The following CECR2 variants were observed in gnomAD, a reference collection of about 807,000 sequenced individuals.
CECR2 encodes CECR2 histone acetyl-lysine reader.
In CECR2, 30 loss-of-function variants were observed where a neutral mutation model predicts 154.5. The observed-to-expected ratio is 0.19, with a 90% CI of 0.15 to 0.26. The LOEUF is 0.26. CECR2 is among the 10% of genes least tolerant of loss of function. The pLI, the probability that CECR2 is intolerant of heterozygous loss-of-function variation, is 1.00. For missense variants in CECR2, 1,743 were observed against 1,829.3 expected, an observed-to-expected ratio of 0.95 and a Z score of 0.86; for synonymous variants, 725 against 683.7, an observed-to-expected ratio of 1.06 and a Z score of -0.94.
intron 1 of CECR2, among the ~76,000 whole-genome samples, chr22:17,450,511 C>T (rs1307205240): frequency 6.6e-6 from 1 of 152,092 alleles, no homozygotes; most frequent in Non-Finnish European, 1.5e-5. Flanking sequence ...CCTCGTGATT[C>T]TCCTGCCTCG....
In CECR2 at chr22:17,487,022, C is replaced by T. The variant is rs141960163; in HGVS notation, c.221+9340C>T. On this transcript the variant is annotated intron_variant, in intron 2 of 18. Transcript: ENST00000262608. ...TCGCTGGAAGGTCACTAATCTAAGG[C>T]ATTGCTCACTTTCTGTTTTTCAGCT... Among the ~76,000 whole-genome samples the T allele has an allele frequency of 7.9e-5, 12 of 152,282 alleles. No homozygotes were observed. The East Asian group carries it at 1.7e-3, about 22-fold the overall frequency.
chr22:17,504,293 T>A (rs1031295435), intron 6 of CECR2, among the ~76,000 whole-genome samples: 1 of 151,806 alleles, frequency 6.6e-6, no homozygotes, highest in Non-Finnish European at 1.5e-5. Flanking sequence ...GAAGATGGCT[T>A]GAGCCCAGGA....
intron 1 of CECR2, among the ~76,000 whole-genome samples, chr22:17,431,020 A>C (rs2054414302): frequency 6.6e-6 from 1 of 152,104 alleles, no homozygotes; most frequent in South Asian, 2.1e-4. Context: ...AGTGCTCACA[A>C]CTTAAAGGGA....
intron 1 of CECR2, among the ~76,000 whole-genome samples, chr22:17,451,734 G>C (rs998633838): frequency 6.6e-6 from 1 of 152,138 alleles, no homozygotes; most frequent in Non-Finnish European, 1.5e-5. Context: ...TCCTTCACCA[G>C]TTACAACTCA....
chr22:17,474,932 C>T (rs2055184399), intron 1 of CECR2, among the ~76,000 whole-genome samples: 1 of 152,014 alleles, frequency 6.6e-6, no homozygotes, highest in Non-Finnish European at 1.5e-5. Flanking sequence ...TCCAGTGTTG[C>T]CTTTATTATT....
chr22:17,537,165 C>T lies in CECR2; in HGVS notation c.1171C>T (p.Leu391Phe). 6.2e-7 allele frequency: 1 copy of T among 1,613,958 alleles called. No homozygotes were observed. Among genetic ancestry groups the T allele is most frequent in the Non-Finnish European group, 8.5e-7 (1 of 1,179,850 alleles). ...ATGGCTGCTGGCTCAAGGAAAGGAG[C>T]TCCCTCCAGAACTTTCCCATCTGGA... is the stretch of plus-strand genomic sequence containing the variant. ...RAWLLAQGKE[L>F]PPELSHLDPN... The change falls in exon 10 of 19, where the codon CTC (leucine) becomes TTC (phenylalanine). Residue 391 changes from leucine (L) to phenylalanine (F), a missense_variant. Around this residue, in one of 4 missense-constraint regions of CECR2, gnomAD observed 292 missense variants for 301.2 expected, o/e 0.97. Transcript: ENST00000262608.
At chr22:17,520,247 G>T (rs1333083825) in intron 8 of CECR2, among the ~76,000 whole-genome samples, 1 of 152,114 alleles carries the variant, frequency 6.6e-6, no homozygotes, top group Non-Finnish European at 1.5e-5. Flanking sequence ...TTGTTGTGGG[G>T]GAGAGTGGCC....
At chr22:17,361,422 G>A (rs75645045) in intron 1 of CECR2, among the ~76,000 whole-genome samples, 7,938 of 151,482 alleles carry the variant, frequency 0.052, 698 homozygotes, top group African/African-American at 0.18. Context: ...GGAGGCGGAC[G>A]TTGCAGTGCA....
intron 2 of CECR2, among the ~76,000 whole-genome samples, chr22:17,494,445 G>A (rs1203673026): frequency 6.6e-6 from 1 of 152,176 alleles, no homozygotes; most frequent in Non-Finnish European, 1.5e-5. Flanking sequence ...CTCTGGAAGG[G>A]TTGGTAGCAA....
chr22:17,501,462 G>T (rs1010054696), intron 5 of CECR2, among the ~76,000 whole-genome samples: 38 of 152,038 alleles, frequency 2.5e-4, no homozygotes, highest in African/African-American at 8.5e-4. Context: ...GGAGGCTGAG[G>T]CAGGAGAATG....
chr22:17,494,520 G>A (rs1037806347), intron 2 of CECR2, among the ~76,000 whole-genome samples: 3 of 152,130 alleles, frequency 2.0e-5, no homozygotes, highest in Non-Finnish European at 2.9e-5. Flanking sequence ...AGTAATGGCC[G>A]GTGCTCGTGT....
intron 2 of CECR2, among the ~76,000 whole-genome samples, chr22:17,482,411 G>A (rs767139389): frequency 3.3e-5 from 5 of 152,158 alleles, no homozygotes; most frequent in African/African-American, 7.2e-5. Flanking sequence ...GCGACAGAGC[G>A]AGACAAGACA....
chr22:17,523,755 C>CAAAA (rs66963477), intron 8 of CECR2, among the ~76,000 whole-genome samples: 4 of 101,160 alleles, frequency 4.0e-5, no homozygotes, highest in East Asian at 3.2e-4. Context: ...GACTCTATCT[C>CAAAA]AAAAAAAAAA....
At chr22:17,439,186 T>A (rs2146660283) in intron 1 of CECR2, among the ~76,000 whole-genome samples, 1 of 151,222 alleles carries the variant, frequency 6.6e-6, no homozygotes, top group South Asian at 2.1e-4. Context: ...TTTTTTTGGA[T>A]GTTCCGTATA....
intron 1 of CECR2, among the ~76,000 whole-genome samples, chr22:17,390,605 G>GT (rs1407946150): frequency 6.6e-6 from 1 of 152,024 alleles, no homozygotes; most frequent in Admixed American, 6.6e-5. Context: ...AAGTTTAAGC[G>GT]TTTGATTCTA....
chr22:17,472,477 T>C (rs917503089), intron 1 of CECR2, among the ~76,000 whole-genome samples: 1 of 152,232 alleles, frequency 6.6e-6, no homozygotes, highest in African/African-American at 2.4e-5. Context: ...AGAAGATCTC[T>C]GTCCTTTGAC....
At chr22:17,498,381 A>C (rs2055671080) in intron 3 of CECR2, among the ~76,000 whole-genome samples, 1 of 120,004 alleles carries the variant, frequency 8.3e-6, no homozygotes, top group African/African-American at 3.2e-5. Context: ...ACAGAGCGAG[A>C]CTCCGTCTTT....
intron 16 of CECR2, among the ~76,000 whole-genome samples, chr22:17,545,490 C>T (rs144306648): frequency 6.7e-6 from 1 of 150,352 alleles, no homozygotes; most frequent in East Asian, 2.0e-4. Context: ...GGATAAATAT[C>T]TAGCATGCAT....
At chr22:17,512,635 G>A (rs1046554762) in intron 8 of CECR2, among the ~76,000 whole-genome samples, 3 of 151,048 alleles carry the variant, frequency 2.0e-5, no homozygotes, top group Admixed American at 6.6e-5. Flanking sequence ...CCCAGAAGGC[G>A]GAGGTTGCAG....
Sources: gnomAD v4.1 joint callset for allele counts (sites outside exome capture counted in the v4.1 genomes callset) on GRCh38, gnomAD v4.1.1 for gene constraint, gnomAD v4.1.1 regional missense constraint, MANE v1.5 for transcripts, NCBI Gene and HGNC (gene_info 2026-07-23, HGNC 2026-07-21) for gene names.